Variants in MAP4K5 observed in about 807,000 individuals in gnomAD.
MAP4K5 encodes MAPK/ERK kinase kinase kinase 5.
A neutral mutation model predicts 135.6 loss-of-function variants in MAP4K5; 82 were observed. The ratio of observed to expected loss-of-function variants is 0.60; its 90% CI spans 0.51 to 0.73. MAP4K5 has a LOEUF of 0.73. Among genes scored for constraint, MAP4K5 ranks in the 30% least tolerant of loss-of-function variants. The pLI, the probability that MAP4K5 is intolerant of heterozygous loss-of-function variation, is 0.00. For missense variants in MAP4K5, 907 were observed against 1,010.9 expected, an observed-to-expected ratio of 0.90 and a Z score of 1.39; for synonymous variants, 347 against 335.0, an observed-to-expected ratio of 1.04 and a Z score of -0.39.
chr14:50,546,683 T>C (rs2140153731), intron 1 of MAP4K5, among the ~76,000 whole-genome samples: 1 of 152,324 alleles, frequency 6.6e-6, no homozygotes, highest in African/African-American at 2.4e-5. Context: ...ATGTCAGAGT[T>C]TGACATGAAA....
rs940899969 is a variant in MAP4K5, at chr14:50,504,751, A to G, written c.166+49T>C. 5 of 1,300,558 alleles carry G rather than the reference A, an allele frequency of 3.8e-6. No homozygotes were observed. In the African/African-American group the frequency reaches 7.5e-5, roughly 20 times the overall value. The allele number at this position is 1,300,558 out of a possible 1,614,324, so 80.6% of individuals were successfully genotyped here. A position where few individuals can be genotyped will look rare whatever the true frequency, so the allele number is the denominator to read the frequency against. ...TTCTGGGAAGAAGGGAAACAAGGAAAGAAATATGGAAAACCCTCAAAAATT... is the reference window on the plus strand; with the variant it reads ...TTCTGGGAAGAAGGGAAACAAGGAAGGAAATATGGAAAACCCTCAAAAATT... On this transcript the variant is annotated intron_variant, in intron 3 of 32. Transcript: ENST00000682126.
At chr14:50,464,770 T>C (rs2036794286) in intron 11 of MAP4K5, among the ~76,000 whole-genome samples, 1 of 152,198 alleles carries the variant, frequency 6.6e-6, no homozygotes, top group Admixed American at 6.5e-5. Flanking sequence ...TAACCGTATT[T>C]ATCAGCAATG....
At chr14:50,480,606 C>T (rs2037217214) in intron 6 of MAP4K5, among the ~76,000 whole-genome samples, 1 of 152,140 alleles carries the variant, frequency 6.6e-6, no homozygotes, top group African/African-American at 2.4e-5. Context: ...GGATCTCCAG[C>T]TCCATCCTTG....
At chr14:50,420,716 G>A (rs1228832329) in intron 32 of MAP4K5, among the ~76,000 whole-genome samples, 6 of 152,160 alleles carry the variant, frequency 3.9e-5, no homozygotes, top group African/African-American at 1.2e-4. Context: ...TCACTAACAG[G>A]AAGAGGATGG....
At chr14:50,533,202 G>C (rs1213946958), upstream of MAP4K5, 1 of 152,248 alleles carries the variant, frequency 6.6e-6, no homozygotes, top group Admixed American at 6.5e-5. Context: ...GGCACACGCA[G>C]TGTCTCATCG....
chr14:50,470,618 A>G (rs1007752794), intron 9 of MAP4K5, among the ~76,000 whole-genome samples: 11 of 151,170 alleles, frequency 7.3e-5, no homozygotes, highest in Admixed American at 1.3e-4. Context: ...TCCCACTCAA[A>G]GAGAGTTCCT....
intron 3 of MAP4K5, among the ~76,000 whole-genome samples, chr14:50,489,059 G>T (rs1230603317): frequency 6.6e-5 from 10 of 152,096 alleles, no homozygotes; most frequent in Non-Finnish European, 1.3e-4. Context: ...CTTTTAACTG[G>T]GTGATACGCC....
intron 2 of MAP4K5, among the ~76,000 whole-genome samples, chr14:50,520,285 G>A (rs2038121404): frequency 6.6e-6 from 1 of 152,134 alleles, no homozygotes; most frequent in African/African-American, 2.4e-5. Flanking sequence ...CATCACCTGA[G>A]GTCGGTAGTT....
rs114187434 is a variant in MAP4K5 at position 50,522,072 on chromosome 14, T to C, written c.108+9870A>G. On this transcript the variant is annotated intron_variant, in intron 2 of 32. Transcript: ENST00000682126. Reference sequence around the variant, plus strand: ...ATGTTAGTTTACAAGTGAAACCCTTTTAAATTTTGAAAGCAAAACTAAAAA... The same window carrying C: ...ATGTTAGTTTACAAGTGAAACCCTTCTAAATTTTGAAAGCAAAACTAAAAA... 3.5e-3 allele frequency among the ~76,000 whole-genome samples: 538 copies of C among 152,288 alleles called. 3 individuals carry two copies. The highest frequency in any genetic ancestry group is 0.012 in the African/African-American group (491 of 41,560).
chr14:50,550,199 C>T (rs987164784), intron 1 of MAP4K5, among the ~76,000 whole-genome samples: 1 of 152,202 alleles, frequency 6.6e-6, no homozygotes, highest in African/African-American at 2.4e-5. Context: ...AGGCTGGAAG[C>T]TTACCAATTG....
chr14:50,530,515 A>G (rs776473031), intron 2 of MAP4K5, among the ~76,000 whole-genome samples: 8 of 152,242 alleles, frequency 5.3e-5, no homozygotes, highest in Non-Finnish European at 8.8e-5. Context: ...CATAAGACAA[A>G]GATGACTAAA....
intron 3 of MAP4K5, among the ~76,000 whole-genome samples, chr14:50,492,039 T>G (rs1379997889): frequency 6.6e-6 from 1 of 152,166 alleles, no homozygotes; most frequent in Admixed American, 6.5e-5. Context: ...AGTATATTAG[T>G]GAGTATTTTC....
chr14:50,506,695 G>A (rs1281615577), intron 2 of MAP4K5, among the ~76,000 whole-genome samples: 1 of 152,180 alleles, frequency 6.6e-6, no homozygotes, highest in Non-Finnish European at 1.5e-5. Flanking sequence ...ACTACTTTGT[G>A]ATAAGTTCAC....
chr14:50,421,468 G>A (rs1331891102), intron 32 of MAP4K5, among the ~76,000 whole-genome samples: 2 of 151,634 alleles, frequency 1.3e-5, no homozygotes, highest in East Asian at 3.9e-4. Flanking sequence ...CTGCATGTTG[G>A]TCAGGCTGGT....
At chr14:50,428,115 T>C (rs1472747730) in intron 30 of MAP4K5, among the ~76,000 whole-genome samples, 2 of 152,232 alleles carry the variant, frequency 1.3e-5, no homozygotes, top group Non-Finnish European at 2.9e-5. Context: ...CACTGTGCAA[T>C]ATGAGAGCAA....
intron 3 of MAP4K5, among the ~76,000 whole-genome samples, chr14:50,486,912 C>A (rs1258669117): frequency 6.6e-6 from 1 of 152,180 alleles, no homozygotes; most frequent in Admixed American, 6.5e-5. Context: ...CAGACAGACT[C>A]TGGCTCTAAC....
intron 1 of MAP4K5, among the ~76,000 whole-genome samples, chr14:50,556,488 G>C (rs1300709774): frequency 1.3e-5 from 2 of 152,112 alleles, no homozygotes; most frequent in East Asian, 3.8e-4. Flanking sequence ...AAAGTGCTGG[G>C]ATTACAGGCG....
intron 3 of MAP4K5, among the ~76,000 whole-genome samples, chr14:50,488,820 T>C (rs2037422693): frequency 6.6e-6 from 1 of 152,214 alleles, no homozygotes; most frequent in African/African-American, 2.4e-5. Flanking sequence ...AGATATATTC[T>C]TCGTATATCT....
At position 50,434,517 on chromosome 14, in the gene MAP4K5, G is replaced by A; in HGVS notation, c.2041C>T (p.Pro681Ser). Residue 681 changes from proline (P) to serine (S), a missense_variant, in exon 28 of 33, where the codon CCT becomes TCT. By Grantham distance (74) the Pro-to-Ser change is moderately conservative. Coordinates refer to ENST00000682126, the MANE Select transcript of MAP4K5 (RefSeq NM_006575.6). ...PLNVFEMLVI[P>S]EQEYPMVCVA... ...CAGACCATAGGGTATTCCTGTTCAG[G>A]TATCACCAGCATTTCAAAAACATTC... 7 of 1,605,404 alleles carry A rather than the reference G, an allele frequency of 4.4e-6. No individual in the cohort carries two copies. Among genetic ancestry groups the A allele is most frequent in the Non-Finnish European group, 6.0e-6 (7 of 1,175,750 alleles).
Sources: gnomAD v4.1 joint callset for allele counts (sites outside exome capture counted in the v4.1 genomes callset) on GRCh38, gnomAD v4.1.1 for gene constraint, MANE v1.5 for transcripts, NCBI Gene and HGNC (gene_info 2026-07-23, HGNC 2026-07-21) for gene names.